Variants in PLA2R1 observed in about 807,000 individuals in gnomAD.
PLA2R1 encodes secretory phospholipase A2 receptor.
Under a neutral mutation model 195.9 loss-of-function variants are expected in PLA2R1, and 158 were observed. The ratio of observed to expected loss-of-function variants is 0.81; its 90% CI spans 0.71 to 0.92. PLA2R1 has a LOEUF of 0.92. PLA2R1 is among the 40% of genes least tolerant of loss of function. The pLI is 0.00. For synonymous variants in PLA2R1, 586 were observed against 598.2 expected (o/e 0.98, Z 0.30); for missense variants, 1,626 against 1,764.6 (o/e 0.92, Z 1.41).
intron 11 of PLA2R1, among the ~76,000 whole-genome samples, chr2:159,989,465 A>C (rs113660065): frequency 2.0e-5 from 3 of 152,198 alleles, no homozygotes; most frequent in African/African-American, 7.2e-5. Flanking sequence ...CCCAGTGGAA[A>C]CTCCAGTTAC....
chr2:160,009,971 A>C (rs969703587), intron 10 of PLA2R1, among the ~76,000 whole-genome samples: 1 of 152,076 alleles, frequency 6.6e-6, no homozygotes, highest in Admixed American at 6.5e-5. Flanking sequence ...TTAGCCAGGC[A>C]TGGTGGTACA....
chr2:159,930,962 A>C (rs1686572724), downstream of PLA2R1, among the ~76,000 whole-genome samples: 1 of 152,102 alleles, frequency 6.6e-6, no homozygotes, highest in African/African-American at 2.4e-5. Context: ...TTTCTTGCTT[A>C]TTTATGCTCA....
chr2:159,963,177 C>T (rs988989003), intron 20 of PLA2R1, among the ~76,000 whole-genome samples: 1 of 152,152 alleles, frequency 6.6e-6, no homozygotes, highest in Non-Finnish European at 1.5e-5. Flanking sequence ...CCCTAGAGAC[C>T]ATGCCAGGAT....
chr2:160,024,497 C>A (rs533040652), intron 6 of PLA2R1, among the ~76,000 whole-genome samples: 2 of 152,140 alleles, frequency 1.3e-5, no homozygotes, highest in Non-Finnish European at 2.9e-5. Flanking sequence ...CCCAGGGAAT[C>A]CCTACCCTGG....
At chr2:160,041,926 T>TCAATATATCAATCCCAGTGC in intron 3 of PLA2R1, 99 bp downstream of exon 3, 1 of 957,332 alleles carries the variant, frequency 1.0e-6, no homozygotes, top group Non-Finnish European at 1.6e-6. Context: ...TATTCAGACT[T>TCAATATATCAATCCCAGTGC]CAATATATCA....
intron 25 of PLA2R1, among the ~76,000 whole-genome samples, chr2:159,949,023 G>T (rs1687562474): frequency 6.6e-6 from 1 of 152,162 alleles, no homozygotes; most frequent in Non-Finnish European, 1.5e-5. Context: ...GAGATATTAT[G>T]TAAAGTGCAG....
At chr2:160,020,321 A>AC in intron 7 of PLA2R1, 58 bp from the exon 8 acceptor site, 1 of 1,096,486 alleles carries the variant, frequency 9.1e-7, no homozygotes, top group Admixed American at 2.1e-5. Flanking sequence ...AGGAGATAAC[A>AC]CCCTGGAGTT....
chr2:160,037,924 A>T (rs1213842977), intron 3 of PLA2R1, among the ~76,000 whole-genome samples: 1 of 152,240 alleles, frequency 6.6e-6, no homozygotes, highest in African/African-American at 2.4e-5. Flanking sequence ...TGTGAATTTC[A>T]TCAGGGCAGG....
intron 27 of PLA2R1, chr2:159,946,342 AAAG>A (rs1687387734): frequency 1.0e-6 from 1 of 984,576 alleles, no homozygotes; most frequent in East Asian, 1.1e-4. Context: ...TCAATTACAT[AAAG>A]AAAAGAATAC....
rs1257505043 is a variant in PLA2R1, at chr2:160,012,601, CA to C, written c.1664+661del. On this transcript the variant is annotated intron_variant, in intron 10 of 29. Transcript: ENST00000283243. Reference sequence around the variant, plus strand: ...CCCATACAACTCACATACATTACATCAAAAAAATACTTGTTAAATAATGTGT... The same window carrying C: ...CCCATACAACTCACATACATTACATCAAAAAATACTTGTTAAATAATGTGT... Among the ~76,000 whole-genome samples the C allele has an allele frequency of 4.2e-5, 6 of 143,486 alleles. No homozygotes were observed. The East Asian group carries it at 1.0e-3, about 25-fold the overall frequency. The allele number at this position is 143,486 out of a possible 152,430, so 94.1% of individuals were successfully genotyped here.
At chr2:160,026,836 T>C (rs578209451) in intron 6 of PLA2R1, among the ~76,000 whole-genome samples, 1 of 152,186 alleles carries the variant, frequency 6.6e-6, no homozygotes, top group African/African-American at 2.4e-5. Context: ...GAAATCCTTT[T>C]TGAACTTGGA....
At position 159,933,559 on chromosome 2, in the gene PLA2R1, A is replaced by G. The variant is rs1165337975; in HGVS notation, c.*8219T>C. 1.3e-5 allele frequency: 2 copies of G among 152,034 alleles called. No individual in the cohort carries two copies. Among genetic ancestry groups the G allele is most frequent in the Non-Finnish European group, 2.9e-5 (2 of 68,012 alleles). 9.4% of individuals were successfully genotyped at this position (152,034 alleles called of 1,614,324 possible). ...TCTTCTTCTTGATATTATTTATGTCACATTGCATTGCACTTATCATTTACA... is the reference window on the plus strand; with the variant it reads ...TCTTCTTCTTGATATTATTTATGTCGCATTGCATTGCACTTATCATTTACA... On this transcript the variant is annotated 3_prime_UTR_variant, in exon 30 of 30. Coordinates refer to ENST00000283243, the MANE Select transcript of PLA2R1 (RefSeq NM_007366.5).
chr2:160,057,901 G>A (rs940157664), intron 1 of PLA2R1, among the ~76,000 whole-genome samples: 4 of 152,202 alleles, frequency 2.6e-5, no homozygotes, highest in Non-Finnish European at 5.9e-5. Flanking sequence ...GAGCACCAGG[G>A]GGTGAATGCC....
At chr2:160,044,725 A>G (rs1265784377) in intron 2 of PLA2R1, 49 bp downstream of exon 2, 1 of 1,517,238 alleles carries the variant, frequency 6.6e-7, no homozygotes. Flanking sequence ...CTTATAGGCA[A>G]ACCTTAAAAA....
chr2:159,967,096 A>G (rs772850154), intron 20 of PLA2R1, among the ~76,000 whole-genome samples: 3 of 152,146 alleles, frequency 2.0e-5, no homozygotes, highest in Non-Finnish European at 4.4e-5. Flanking sequence ...TAGGAGATGG[A>G]GTCTGGGTCC....
chr2:159,970,107 C>A, intron 18 of PLA2R1, 41 bp downstream of exon 18: 2 of 1,309,266 alleles, frequency 1.5e-6, no homozygotes, highest in Non-Finnish European at 1.1e-6. Flanking sequence ...CAAATAAAAC[C>A]TGTCAAACAA....
intron 25 of PLA2R1, 53 bp from the exon 26 acceptor site, chr2:159,947,612 G>C: frequency 4.0e-6 from 6 of 1,488,196 alleles, no homozygotes; most frequent in Non-Finnish European, 4.7e-6. Context: ...TTTATTTATT[G>C]AGATAAATAT....
chr2:160,017,868 A>T (rs1319365900), intron 8 of PLA2R1, among the ~76,000 whole-genome samples: 1 of 152,152 alleles, frequency 6.6e-6, no homozygotes, highest in African/African-American at 2.4e-5. Context: ...CTTCATCTGT[A>T]AGAGGAGCCC....
chr2:160,047,934 T>C (rs1219036883), intron 1 of PLA2R1, among the ~76,000 whole-genome samples: 1 of 152,162 alleles, frequency 6.6e-6, no homozygotes, highest in South Asian at 2.1e-4. Flanking sequence ...CAACTGATCC[T>C]CCCATCTCAG....
Sources: allele counts gnomAD v4.1 joint callset (sites outside exome capture counted in the v4.1 genomes callset), GRCh38; gene constraint gnomAD v4.1.1; transcripts MANE v1.5; gene names NCBI Gene and HGNC (gene_info 2026-07-23, HGNC 2026-07-21).